Variants in DACH2 observed in about 807,000 individuals in gnomAD.
DACH2 encodes dachshund homolog 2.
A neutral mutation model predicts 35.8 loss-of-function variants in DACH2; 17 were observed. The ratio of observed to expected loss-of-function variants is 0.48; its 90% CI spans 0.33 to 0.71. The LOEUF (loss-of-function observed/expected upper bound fraction) is 0.71, where lower values mean the gene tolerates loss of function less well. DACH2 is among the 30% of genes least tolerant of loss of function. DACH2 has a pLI of 0.02. For synonymous variants in DACH2, 195 were observed against 177.3 expected, an observed-to-expected ratio of 1.10 and a Z score of -0.79; for missense variants, 469 against 472.7, an observed-to-expected ratio of 0.99 and a Z score of 0.07.
chrX:86,734,295 C>A (rs139903114), intron 6 of DACH2, among the ~76,000 whole-genome samples: 1,203 of 110,730 alleles, frequency 0.011, 16 homozygotes, highest in African/African-American at 0.037. Context: ...GGCATCATTT[C>A]TTATGCATAA....
At chrX:86,548,447 T>C (rs898253416) in intron 3 of DACH2, among the ~76,000 whole-genome samples, 4 of 112,290 alleles carry the variant, frequency 3.6e-5, no homozygotes, top group African/African-American at 6.5e-5. Context: ...TAAATGCAGA[T>C]TCTTAAGTGA....
intron 1 of DACH2, among the ~76,000 whole-genome samples, chrX:86,314,086 T>A (rs2034851203): frequency 9.1e-6 from 1 of 110,293 alleles, no homozygotes; most frequent in Non-Finnish European, 1.9e-5. Flanking sequence ...GGCTATTTCT[T>A]AATCTCTCTC....
At chrX:86,814,130 C>CAG (rs1272677711) in intron 9 of DACH2, among the ~76,000 whole-genome samples, 3 of 109,721 alleles carry the variant, frequency 2.7e-5, no homozygotes, top group South Asian at 3.8e-4. Flanking sequence ...AAGAGAGAGG[C>CAG]AGAGAGAGAG....
intron 3 of DACH2, among the ~76,000 whole-genome samples, chrX:86,546,324 T>TTCTTCTTCTTCC (rs1314346274): frequency 3.4e-5 from 3 of 88,353 alleles, no homozygotes; most frequent in Admixed American, 1.2e-4. Context: ...TACCTCTTTC[T>TTCTTCTTCTTCC]TCTTCTTCTT....
chrX:86,665,775 A>T (rs202115076), intron 4 of DACH2, among the ~76,000 whole-genome samples: 4 of 8,739 alleles, frequency 4.6e-4, no homozygotes, highest in African/African-American at 3.1e-3. Context: ...TTACTTTGTT[A>T]AAAAAAAAAA....
intron 3 of DACH2, among the ~76,000 whole-genome samples, chrX:86,623,872 A>ACC (rs2040097638): frequency 1.0e-5 from 1 of 96,568 alleles, no homozygotes; most frequent in African/African-American, 3.7e-5. Context: ...ACACGGTGAA[A>ACC]CCCCGTCTCT....
chrX:86,404,753 G>A (rs952881470), intron 2 of DACH2, among the ~76,000 whole-genome samples: 7 of 112,323 alleles, frequency 6.2e-5, no homozygotes, highest in African/African-American at 1.9e-4. Context: ...ACTCTGTGTG[G>A]GGGCTCCAAC....
intron 4 of DACH2, among the ~76,000 whole-genome samples, chrX:86,693,712 T>C (rs1477272390): frequency 1.8e-5 from 2 of 112,204 alleles, no homozygotes; most frequent in Non-Finnish European, 3.8e-5. Flanking sequence ...TATAAAAATG[T>C]TTGTCCCCTT....
At chrX:86,160,112 A>G (rs908718773) in intron 1 of DACH2, among the ~76,000 whole-genome samples, 3 of 111,636 alleles carry the variant, frequency 2.7e-5, no homozygotes, top group African/African-American at 9.8e-5. Context: ...TTTACAATGC[A>G]TTGTTATCAT....
intron 1 of DACH2, among the ~76,000 whole-genome samples, chrX:86,232,168 C>T (rs771151124): frequency 5.4e-5 from 6 of 110,999 alleles, no homozygotes; most frequent in Admixed American, 3.9e-4. Flanking sequence ...ATCAAGTTGA[C>T]GATCTTGAAA....
intron 7 of DACH2, among the ~76,000 whole-genome samples, chrX:86,807,723 TG>T (rs61008707): frequency 1.6e-4 from 18 of 111,858 alleles, no homozygotes; most frequent in African/African-American, 5.5e-4. Context: ...AACTGTGCCC[TG>T]TGAAATATGA....
At chrX:86,405,774 A>AT (rs976020116) in intron 2 of DACH2, among the ~76,000 whole-genome samples, 1 of 111,837 alleles carries the variant, frequency 8.9e-6, no homozygotes, top group Non-Finnish European at 1.9e-5. Context: ...TCACACTGCT[A>AT]TAAGTACATA....
At chrX:86,644,519 C>T (rs1569458937) in intron 3 of DACH2, among the ~76,000 whole-genome samples, 1 of 111,440 alleles carries the variant, frequency 9.0e-6, no homozygotes, top group Non-Finnish European at 1.9e-5. Flanking sequence ...AAATTTAACA[C>T]TATTCCTATC....
intron 1 of DACH2, among the ~76,000 whole-genome samples, chrX:86,365,100 C>A (rs1293186574): frequency 1.8e-5 from 2 of 111,409 alleles, no homozygotes; most frequent in Admixed American, 9.6e-5. Flanking sequence ...TTGTTTAATT[C>A]TAATCATAAC....
intron 7 of DACH2, 68 bp downstream of exon 7, chrX:86,739,950 A>G (rs1272683513): frequency 1.9e-6 from 2 of 1,054,997 alleles, no homozygotes; most frequent in Non-Finnish European, 2.5e-6. Flanking sequence ...TAGGAAAAAT[A>G]GAGGAGAGGG....
intron 1 of DACH2, among the ~76,000 whole-genome samples, chrX:86,240,890 G>A (rs929844455): frequency 1.8e-5 from 2 of 111,294 alleles, no homozygotes; most frequent in Non-Finnish European, 3.8e-5. Context: ...ATGGTAAGAC[G>A]TACATGCTTC....
chrX:86,789,837 T>G (rs2042171357), intron 7 of DACH2, among the ~76,000 whole-genome samples: 1 of 111,902 alleles, frequency 8.9e-6, no homozygotes, highest in African/African-American at 3.2e-5. Flanking sequence ...CCAAAAGGAC[T>G]CATAAAACTA....
chrX:86,564,202 T>C lies in DACH2; in HGVS notation c.640+49811T>C, dbSNP rs1320737348. ...ATAAATTCTGGGATTACCTGAGTGA[T>C]TGTTTTCTCAGAAAACCATAATGTG... On this transcript the variant is annotated intron_variant, in intron 3 of 11. Transcript: ENST00000373125. Among the ~76,000 whole-genome samples, 4 of 111,570 alleles carry C rather than the reference T, an allele frequency of 3.6e-5. No individual in the cohort carries two copies. The South Asian group carries it at 1.1e-3, about 31-fold the overall frequency.
intron 1 of DACH2, among the ~76,000 whole-genome samples, chrX:86,297,055 A>G (rs1226459638): frequency 2.0e-5 from 2 of 98,416 alleles, no homozygotes; most frequent in Non-Finnish European, 4.0e-5. Context: ...ATATATATAT[A>G]TATATATATA....
Sources: allele counts gnomAD v4.1 joint callset (sites outside exome capture counted in the v4.1 genomes callset), GRCh38; gene constraint gnomAD v4.1.1; transcripts MANE v1.5; gene names NCBI Gene and HGNC (gene_info 2026-07-23, HGNC 2026-07-21).